SCN8A: variants seen among roughly 807,000 people sequenced by gnomAD.
The protein encoded by SCN8A is sodium channel protein type 8 subunit alpha.
In SCN8A, 30 loss-of-function variants were observed where a neutral mutation model predicts 184.1. The observed-to-expected ratio is 0.16, with a 90% confidence interval of 0.12 to 0.22. The LOEUF (loss-of-function observed/expected upper bound fraction) is 0.22. Ranked by LOEUF, SCN8A falls within the 10% of genes least tolerant of loss-of-function variation. The pLI is 1.00. For synonymous variants in SCN8A, 852 were observed against 907.0 expected (o/e 0.94, Z 1.09); for missense variants, 1,057 against 2,498.9 (o/e 0.42, Z 12.30).
rs1233511974 is a variant in SCN8A at position 51,769,044 on chromosome 12, G to A, written c.3081G>A (p.Glu1027=). 1.9e-6 allele frequency: 3 copies of A among 1,614,046 alleles called. No individual in the cohort carries two copies. Among genetic ancestry groups the A allele is most frequent in the South Asian group, 1.1e-5 (1 of 91,084 alleles). Residue 1027 remains glutamate (E), a synonymous_variant, in exon 17 of 27, where the codon GAG becomes GAA. Coordinates refer to ENST00000627620, the MANE Select transcript of SCN8A (RefSeq NM_001330260.2). ...TGCAGGCCCACTTTAAGCAGCGTGA[G>A]GCTGATGAGGTGAAGCCTCTGGATG... ...AFMQAHFKQR[E]ADEVKPLDEL...
At chr12:51,663,903 A>T (rs1356259679) in intron 2 of SCN8A, among the ~76,000 whole-genome samples, 21 of 69,820 alleles carry the variant, frequency 3.0e-4, no homozygotes, top group East Asian at 5.7e-4. Flanking sequence ...CATTTGACAG[A>T]TTTTTTTTTT....
rs752899010 is a variant in SCN8A, at chr12:51,786,733, G to T, written c.4134G>T (p.Lys1378Asn). 5 of 1,613,884 alleles carry T rather than the reference G, an allele frequency of 3.1e-6. No individual in the cohort carries two copies. The highest frequency in any genetic ancestry group is 4.2e-6 in the Non-Finnish European group (5 of 1,179,876). The change falls in exon 22 of 27, where the codon AAG (lysine) becomes AAT (asparagine). Residue 1378 changes from lysine to asparagine, a missense_variant. Coordinates refer to ENST00000627620, the MANE Select transcript of SCN8A (RefSeq NM_001330260.2). ...EDVNNKTECEKLMEGNNTEIR... is the reference protein window; with the variant it reads ...EDVNNKTECENLMEGNNTEIR... ...TCAACAATAAAACTGAATGTGAAAAGCTTATGGAGGGGAACAATACAGAGA... is the reference window on the plus strand; with the variant it reads ...TCAACAATAAAACTGAATGTGAAAATCTTATGGAGGGGAACAATACAGAGA...
In SCN8A at chr12:51,768,870, G is replaced by C; in HGVS notation, c.2907G>C (p.Leu969=). The C allele has an allele frequency of 6.4e-7, 1 of 1,558,386 alleles. No homozygotes were observed. Among genetic ancestry groups the C allele is most frequent in the Non-Finnish European group, 8.7e-7 (1 of 1,150,124 alleles). The change falls in exon 17 of 27, where the codon CTG becomes CTC. Residue 969 remains leucine, a synonymous_variant. Transcript: ENST00000627620. The part of the protein sequence containing the change: ...MVMVIGNLVV[L]NLFLALLLSS... ...TTCCAATGCTACTGGCATAGGTGCT[G>C]AACCTGTTTCTGGCCTTGCTCCTGA... is the stretch of plus-strand genomic sequence containing the variant.
chr12:51,706,661 G>T lies in SCN8A; in HGVS notation c.1581G>T (p.Lys527Asn). Residue 527 changes from lysine (K) to asparagine (N), a missense_variant, in exon 11 of 27, where the codon AAG (lysine) becomes AAT (asparagine). By Grantham distance (94) the Lys-to-Asn change is moderately conservative (BLOSUM62 0). Coordinates refer to ENST00000627620, the MANE Select transcript of SCN8A (RefSeq NM_001330260.2). ...KSESEDGMRRKAFRLPDNRIG... is the reference protein window; with the variant it reads ...KSESEDGMRRNAFRLPDNRIG... ...AGTCAGAAGATGGCATGAGAAGGAA[G>T]GCCTTTCGGCTGCCAGACAACAGAA... 1 of 1,588,954 alleles carries T rather than the reference G, an allele frequency of 6.3e-7. No individual in the cohort carries two copies. Among genetic ancestry groups the T allele is most frequent in the South Asian group, 1.2e-5 (1 of 86,042 alleles).
intron 2 of SCN8A, among the ~76,000 whole-genome samples, chr12:51,664,856 T>A (rs908023394): frequency 1.3e-5 from 2 of 152,162 alleles, no homozygotes; most frequent in Non-Finnish European, 2.9e-5. Context: ...ATCTATTAAC[T>A]ATTCTTCCTG....
rs375648511 is a variant in SCN8A at position 51,635,940 on chromosome 12, A to G, written c.-54-26824A>G. Among the ~76,000 whole-genome samples, 20 of 152,250 alleles carry G rather than the reference A, an allele frequency of 1.3e-4. No homozygotes were observed. In the South Asian group the frequency reaches 1.7e-3, roughly 13 times the overall value. On this transcript the variant is annotated intron_variant, in intron 1 of 26. Coordinates refer to ENST00000627620, the MANE Select transcript of SCN8A (RefSeq NM_001330260.2). Reference sequence around the variant, plus strand: ...GCACAGCAACCCAGAAGCCCACCCAACTTCTCCTAATCACTGCCTTTCCCC... The same window carrying G: ...GCACAGCAACCCAGAAGCCCACCCAGCTTCTCCTAATCACTGCCTTTCCCC...
chr12:51,606,450 C>CCTATTTTTATACCAGTACCACA, intron 1 of SCN8A, among the ~76,000 whole-genome samples: 1 of 152,082 alleles, frequency 6.6e-6, no homozygotes, highest in Non-Finnish European at 1.5e-5. Context: ...GGTCTATGTG[C>CCTATTTTTATACCAGTACCACA]CTATTTTTAT....
intron 15 of SCN8A, among the ~76,000 whole-genome samples, chr12:51,764,247 T>C (rs565578178): frequency 3.9e-5 from 6 of 152,240 alleles, no homozygotes; most frequent in African/African-American, 1.4e-4. Context: ...TCCTATTACA[T>C]TCTATGTTAG....
chr12:51,653,965 T>G (rs960016289), intron 1 of SCN8A, among the ~76,000 whole-genome samples: 1 of 152,244 alleles, frequency 6.6e-6, no homozygotes, highest in Non-Finnish European at 1.5e-5. Flanking sequence ...GCTGAACATC[T>G]TTTCATGTGC....
chr12:51,807,318 C>A lies in SCN8A; in HGVS notation c.5832C>A (p.Leu1944=). 1.2e-6 allele frequency: 2 copies of A among 1,613,878 alleles called. No homozygotes were observed. The highest frequency in any genetic ancestry group is 1.7e-6 in the Non-Finnish European group (2 of 1,179,832). ...AGAGCACCCCATCTACAGCCTCCCT[C>A]CCGTCCTATGACAGTGTAACTAAAC... ...KKESTPSTAS[L]PSYDSVTKPE... The change falls in exon 27 of 27, where the codon CTC becomes CTA. Residue 1944 remains leucine (L), a synonymous_variant. Coordinates refer to ENST00000627620, the MANE Select transcript of SCN8A (RefSeq NM_001330260.2). The surrounding 1 kb of genome is among the most constrained non-coding windows in gnomAD (Gnocchi z 4.5).
At position 51,769,327 on chromosome 12, in the gene SCN8A, A is replaced by T. The variant is rs554826191; in HGVS notation, c.3364A>T (p.Ser1122Cys). 6.9e-6 allele frequency: 11 copies of T among 1,584,024 alleles called. No homozygotes were observed. The highest frequency in any genetic ancestry group is 5.4e-5 in the African/African-American group (4 of 74,644). The part of the protein sequence containing the change: ...DVSSESDPEG[S>C]KDKLDDTSSS... ...TAGCAGCGAGTCGGATCCTGAAGGC[A>T]GCAAAGATGTAAGGTCCCAGCCTAG... The change falls in exon 17 of 27, where the codon AGC becomes TGC. Residue 1122 changes from serine to cysteine, a missense_variant. Physicochemically the swap from Ser to Cys is moderately radical, Grantham distance 112. Around this residue, in one of 19 missense-constraint regions of SCN8A, gnomAD observed 178 missense variants for 259.6 expected, o/e 0.69. Coordinates refer to ENST00000627620, the MANE Select transcript of SCN8A (RefSeq NM_001330260.2).
intron 26 of SCN8A, among the ~76,000 whole-genome samples, chr12:51,797,776 T>C (rs1347837852): frequency 1.3e-5 from 2 of 152,208 alleles, no homozygotes; most frequent in Non-Finnish European, 2.9e-5. Flanking sequence ...GCCAACACTA[T>C]AACTCCCTTC....
At chr12:51,725,723 G>T (rs1003551539) in intron 12 of SCN8A, among the ~76,000 whole-genome samples, 3 of 152,140 alleles carry the variant, frequency 2.0e-5, no homozygotes, top group African/African-American at 7.2e-5. Flanking sequence ...AGTATATTAA[G>T]ACTTTTATAT....
At chr12:51,695,362 G>GT (rs1486221640) in intron 6 of SCN8A, among the ~76,000 whole-genome samples, 4 of 152,192 alleles carry the variant, frequency 2.6e-5, no homozygotes, top group African/African-American at 9.7e-5. Context: ...CTTGACTCAT[G>GT]TTTACACATT....
intron 12 of SCN8A, among the ~76,000 whole-genome samples, chr12:51,729,997 TTTA>T (rs1942214898): frequency 6.6e-6 from 1 of 152,230 alleles, no homozygotes; most frequent in Non-Finnish European, 1.5e-5. Context: ...TTTTTGACTT[TTTA>T]TTATTGATTT....
At position 51,810,210 on chromosome 12, in the gene SCN8A, CAT is replaced by C; in HGVS notation, c.*2783_*2784del. The stretch of plus-strand genomic sequence containing the variant: ...GTATCTGGCACCCATCAGCCAGCCT[CAT>C]AGGAAAGAAGCCACCTCCGCTGTAT... On this transcript the variant is annotated 3_prime_UTR_variant, in exon 27 of 27. Transcript: ENST00000627620. 1 of 248,950 alleles carries C rather than the reference CAT, an allele frequency of 4.0e-6. No individual in the cohort carries two copies. Among genetic ancestry groups the C allele is most frequent in the South Asian group, 3.6e-5 (1 of 28,056 alleles). The allele number at this position is 248,950 out of a possible 1,614,324, so 15.4% of individuals were successfully genotyped here.
chr12:51,686,329 C>A, intron 3 of SCN8A, 39 bp from the exon 4 acceptor site: 1 of 1,302,844 alleles, frequency 7.7e-7, no homozygotes, highest in Non-Finnish European at 1.1e-6. Context: ...AAACAAAAGG[C>A]AGGCCAGATT....
intron 1 of SCN8A, among the ~76,000 whole-genome samples, chr12:51,621,742 C>T (rs1374673967): frequency 6.6e-6 from 1 of 152,144 alleles, no homozygotes; most frequent in Non-Finnish European, 1.5e-5. Context: ...AGTCTAGGGT[C>T]CAGACCAGAC....
At chr12:51,711,113 G>A (rs1211322211) in intron 11 of SCN8A, among the ~76,000 whole-genome samples, 1 of 152,198 alleles carries the variant, frequency 6.6e-6, no homozygotes, top group Non-Finnish European at 1.5e-5. Context: ...TTTGGGGAAA[G>A]TATGATAGTA....
Sources: allele counts gnomAD v4.1 joint callset (sites outside exome capture counted in the v4.1 genomes callset), GRCh38; gene constraint gnomAD v4.1.1; regional missense constraint gnomAD v4.1.1; non-coding constraint Gnocchi (gnomAD v3.1); transcripts MANE v1.5; gene names NCBI Gene and HGNC (gene_info 2026-07-23, HGNC 2026-07-21).